CCDC85A: variants seen among roughly 807,000 people sequenced by gnomAD.
CCDC85A encodes the protein coiled-coil domain-containing protein 85A.
A neutral mutation model predicts 50.2 loss-of-function variants in CCDC85A; 38 were observed. The observed-to-expected ratio is 0.76, with a 90% CI of 0.58 to 0.99. The LOEUF (loss-of-function observed/expected upper bound fraction) is 0.99, where lower values mean the gene tolerates loss of function less well. Ranked by LOEUF, CCDC85A falls within the 50% of genes least tolerant of loss-of-function variation. CCDC85A has a pLI of 0.00. For missense variants in CCDC85A, 820 were observed against 742.0 expected (o/e 1.11, Z -1.22); for synonymous variants, 366 against 301.4 (o/e 1.21, Z -2.22).
chr2:56,362,608 C>G (rs1303686060), intron 3 of CCDC85A, among the ~76,000 whole-genome samples: 1 of 149,402 alleles, frequency 6.7e-6, no homozygotes, highest in Admixed American at 6.7e-5. Flanking sequence ...TTCTTTTTTT[C>G]TTTTTAAGAT....
At chr2:56,287,980 C>A (rs1359108718) in intron 2 of CCDC85A, among the ~76,000 whole-genome samples, 1 of 152,046 alleles carries the variant, frequency 6.6e-6, no homozygotes, top group Non-Finnish European at 1.5e-5. Flanking sequence ...ATAGCAGAGG[C>A]CCTCTGGGGA....
intron 2 of CCDC85A, among the ~76,000 whole-genome samples, chr2:56,306,523 A>T (rs1256853857): frequency 6.6e-6 from 1 of 152,114 alleles, no homozygotes. Context: ...TACTTATACA[A>T]CCTTACATCC....
chr2:56,357,641 A>G (rs1231263078), intron 3 of CCDC85A, among the ~76,000 whole-genome samples: 2 of 137,320 alleles, frequency 1.5e-5, no homozygotes, highest in Admixed American at 7.3e-5. Flanking sequence ...CATGGAAGGG[A>G]TAGTGTCCAT....
intron 2 of CCDC85A, among the ~76,000 whole-genome samples, chr2:56,237,959 T>C (rs1490368570): frequency 6.6e-6 from 1 of 152,188 alleles, no homozygotes; most frequent in Non-Finnish European, 1.5e-5. Flanking sequence ...AGGTAGACAG[T>C]ATCTTCACAT....
chr2:56,305,877 G>C (rs1222182913), intron 2 of CCDC85A, among the ~76,000 whole-genome samples: 1 of 152,144 alleles, frequency 6.6e-6, no homozygotes, highest in African/African-American at 2.4e-5. Flanking sequence ...CTGCTTCCCA[G>C]ATAATGACAT....
chr2:56,306,984 A>G (rs1489478934), intron 2 of CCDC85A, among the ~76,000 whole-genome samples: 2 of 152,162 alleles, frequency 1.3e-5, no homozygotes, highest in Non-Finnish European at 2.9e-5. Context: ...AATTTAGTAT[A>G]GTGGTTTTGC....
chr2:56,289,914 A>G (rs1671626074), intron 2 of CCDC85A, among the ~76,000 whole-genome samples: 1 of 152,156 alleles, frequency 6.6e-6, no homozygotes, highest in Admixed American at 6.5e-5. Context: ...AATATTTTAT[A>G]TTTCAACTGC....
At chr2:56,206,396 A>C (rs1573022861) in intron 2 of CCDC85A, among the ~76,000 whole-genome samples, 1 of 152,248 alleles carries the variant, frequency 6.6e-6, no homozygotes, top group East Asian at 1.9e-4. Context: ...AGAATACCAC[A>C]GACTGGATAA....
chr2:56,269,423 A>G (rs1172095053), intron 2 of CCDC85A, among the ~76,000 whole-genome samples: 1 of 151,822 alleles, frequency 6.6e-6, no homozygotes, highest in African/African-American at 2.4e-5. Flanking sequence ...AATAGATTTC[A>G]TTTTCTCAGG....
At chr2:56,316,916 C>T (rs1307150645) in intron 2 of CCDC85A, among the ~76,000 whole-genome samples, 1 of 152,030 alleles carries the variant, frequency 6.6e-6, no homozygotes. Flanking sequence ...TAAAAAATGT[C>T]TTTTTCTTTT....
intron 2 of CCDC85A, among the ~76,000 whole-genome samples, chr2:56,234,525 T>G (rs893692263): frequency 3.9e-5 from 6 of 152,208 alleles, no homozygotes; most frequent in African/African-American, 1.4e-4. Context: ...AACCACCACA[T>G]ATTTTCATTG....
chr2:56,223,899 T>C (rs1040006196), intron 2 of CCDC85A, among the ~76,000 whole-genome samples: 1 of 152,054 alleles, frequency 6.6e-6, no homozygotes, highest in African/African-American at 2.4e-5. Flanking sequence ...TTTAGGCTGC[T>C]AACTGGCTTT....
At chr2:56,382,978 A>G (rs1200492556) in intron 5 of CCDC85A, among the ~76,000 whole-genome samples, 1 of 151,994 alleles carries the variant, frequency 6.6e-6, no homozygotes, top group Non-Finnish European at 1.5e-5. Context: ...TTATTAAGAA[A>G]TGAGACTTTC....
rs77036962 is a variant in CCDC85A, at chr2:56,319,230, G to A, written c.1241-23649G>A. 9.4e-3 allele frequency among the ~76,000 whole-genome samples: 1,429 copies of A among 152,194 alleles called. 19 individuals carry two copies. The highest frequency in any genetic ancestry group is 0.032 in the African/African-American group (1,339 of 41,530). ...ACAACAACCTTGTGGTGTAGGTACTGTTATTAACCCATTTTTCAAATGGGA... is the reference window on the plus strand; with the variant it reads ...ACAACAACCTTGTGGTGTAGGTACTATTATTAACCCATTTTTCAAATGGGA... On this transcript the variant is annotated intron_variant, in intron 2 of 5. Transcript: ENST00000407595.
chr2:56,324,210 G>A (rs1673356215), intron 2 of CCDC85A, among the ~76,000 whole-genome samples: 1 of 152,038 alleles, frequency 6.6e-6, no homozygotes, highest in South Asian at 2.1e-4. Flanking sequence ...GCCCCAGTTG[G>A]GTCATTGGTG....
At chr2:56,187,218 G>A (rs1676087307) in intron 1 of CCDC85A, among the ~76,000 whole-genome samples, 2 of 152,212 alleles carry the variant, frequency 1.3e-5, no homozygotes, top group Non-Finnish European at 2.9e-5. Context: ...GCGTGGGGGA[G>A]CGTCTGAGGG....
chr2:56,292,033 A>T (rs1430634332), intron 2 of CCDC85A, among the ~76,000 whole-genome samples: 2 of 152,152 alleles, frequency 1.3e-5, no homozygotes, highest in Non-Finnish European at 2.9e-5. Flanking sequence ...CTGAGTTAAA[A>T]ACATTTATTA....
chr2:56,376,226 TA>T, intron 5 of CCDC85A, among the ~76,000 whole-genome samples: 1 of 152,326 alleles, frequency 6.6e-6, no homozygotes, highest in Non-Finnish European at 1.5e-5. Flanking sequence ...TCCATATTTG[TA>T]AAAAATTGTG....
At chr2:56,299,564 G>A (rs59132151) in intron 2 of CCDC85A, among the ~76,000 whole-genome samples, 19,809 of 152,032 alleles carry the variant, frequency 0.13, 1,446 homozygotes, top group East Asian at 0.32. Flanking sequence ...AGTTGGATGA[G>A]CAGCATTGAA....
Sources: allele counts gnomAD v4.1 joint callset (sites outside exome capture counted in the v4.1 genomes callset), GRCh38; gene constraint gnomAD v4.1.1; transcripts MANE v1.5; gene names NCBI Gene and HGNC (gene_info 2026-07-23, HGNC 2026-07-21).